The following RGS2 variants were observed in gnomAD, a reference collection of about 807,000 sequenced individuals.
The protein encoded by RGS2 is regulator of G protein signaling 2.
Under a neutral mutation model 26.6 loss-of-function variants are expected in RGS2, and 20 were observed. The observed-to-expected ratio is 0.75, with a 90% CI of 0.53 to 1.09. The LOEUF (loss-of-function observed/expected upper bound fraction) is 1.09. Among genes scored for constraint, RGS2 ranks in the 50% least tolerant of loss-of-function variants. RGS2 has a pLI of 0.00. For missense variants in RGS2, 246 were observed against 245.5 expected (o/e 1.00, Z -0.01); for synonymous variants, 97 against 79.9 (o/e 1.21, Z -1.14).
Position 192,811,455 on chromosome 1 carries a change from T to C in RGS2, c.495T>C (p.Ala165=), listed in dbSNP as rs1354505368. The C allele has an allele frequency of 6.2e-7, 1 of 1,613,986 alleles. No individual in the cohort carries two copies. The highest frequency in any genetic ancestry group is 8.5e-7 in the Non-Finnish European group (1 of 1,179,954). Residue 165 remains alanine (A), a synonymous_variant, in exon 5 of 5, where the codon GCT becomes GCC. Coordinates refer to ENST00000235382, the MANE Select transcript of RGS2 (RefSeq NM_002923.4). ...TGATTGCCCAGAATATACAAGAAGC[T>C]ACAAGTGGCTGCTTTACAACTGCCC... is the stretch of plus-strand genomic sequence containing the variant. ...KTLIAQNIQE[A]TSGCFTTAQK...
At chr1:192,809,209 CCACCCCCTGCCCCA>C (rs1431058175) in intron 1 of RGS2, 28 bp downstream of exon 1, 2 of 1,468,402 alleles carry the variant, frequency 1.4e-6, no homozygotes, top group African/African-American at 2.8e-5. Context: ...CCCTCTCCCG[CCACCCCCTGCCCCA>C]CACTGCAAGC....
At chr1:192,809,980 A>G (rs1009061204) in intron 1 of RGS2, among the ~76,000 whole-genome samples, 186 bp from the exon 2 acceptor site, 1 of 152,210 alleles carries the variant, frequency 6.6e-6, no homozygotes, top group East Asian at 1.9e-4. Flanking sequence ...AGATTAATGG[A>G]CGAAACTGCT....
chr1:192,810,268 G>A lies in RGS2; in HGVS notation c.212+1G>A. The stretch of plus-strand genomic sequence containing the variant: ...AAAGCAAACAGCAAGCTTTCATCAA[G>A]TAAGTTGAGAATCCTGTGCTTGCAA... On this transcript the variant is annotated splice_donor_variant, in intron 2 of 4. Transcript: ENST00000235382. LOFTEE classifies it high-confidence loss of function. 2 of 1,612,698 alleles carry A rather than the reference G, an allele frequency of 1.2e-6. No individual in the cohort carries two copies. Among genetic ancestry groups the A allele is most frequent in the Non-Finnish European group, 1.7e-6 (2 of 1,178,624 alleles).
At chr1:192,810,901 G>T in intron 3 of RGS2, 80 bp from the exon 4 acceptor site, 1 of 1,337,614 alleles carries the variant, frequency 7.5e-7, no homozygotes, top group Non-Finnish European at 1.1e-6. Flanking sequence ...ATTAAAATGT[G>T]AGGGATAGGA....
At position 192,810,284 on chromosome 1, in the gene RGS2, G is replaced by A; in HGVS notation, c.212+17G>A. On this transcript the variant is annotated intron_variant, in intron 2 of 4. Transcript: ENST00000235382. ...TTTCATCAAGTAAGTTGAGAATCCT[G>A]TGCTTGCAAATATCAATAGTTAGCT... 1.2e-6 allele frequency: 2 copies of A among 1,610,000 alleles called. No homozygotes were observed. The highest frequency in any genetic ancestry group is 1.7e-6 in the Non-Finnish European group (2 of 1,176,176).
intron 1 of RGS2, among the ~76,000 whole-genome samples, chr1:192,809,824 T>C (rs1665555766): frequency 6.6e-6 from 1 of 152,172 alleles, no homozygotes; most frequent in African/African-American, 2.4e-5. Context: ...GTCTCGGAAT[T>C]GTAATTAACC....
intron 1 of RGS2, among the ~76,000 whole-genome samples, 195 bp from the exon 2 acceptor site, chr1:192,809,971 G>A (rs1399097103): frequency 1.3e-5 from 2 of 152,216 alleles, no homozygotes; most frequent in Non-Finnish European, 2.9e-5. Context: ...GATACGGTCA[G>A]ATTAATGGAC....
chr1:192,811,701 A>G lies in RGS2; in HGVS notation c.*105A>G. ...GACCTTGAATTCAGCCTGGGTGTTC[A>G]GGAAACATCACTCAGAACTATTGAT... On this transcript the variant is annotated 3_prime_UTR_variant, in exon 5 of 5. Coordinates refer to ENST00000235382, the MANE Select transcript of RGS2 (RefSeq NM_002923.4). The G allele has an allele frequency of 2.7e-6, 3 of 1,092,048 alleles. No homozygotes were observed. The highest frequency in any genetic ancestry group is 1.7e-5 in the Admixed American group (1 of 57,530). 67.6% of individuals were successfully genotyped at this position (1,092,048 alleles called of 1,614,324 possible).
chr1:192,811,012 G>A lies in RGS2; in HGVS notation c.306G>A (p.Lys102=), dbSNP rs1665582018. The change falls in exon 4 of 5, where the codon AAG becomes AAA. Residue 102 remains lysine (K), a synonymous_variant. Transcript: ENST00000235382. ...YGLAAFRAFL[K]SEFCEENIEF... is the part of the protein sequence containing the mutation. ...TTGCTGCATTCAGGGCTTTTTTAAA[G>A]TCGGAATTCTGTGAAGAAAATATTG... 2 of 1,613,988 alleles carry A rather than the reference G, an allele frequency of 1.2e-6. No homozygotes were observed. The highest frequency in any genetic ancestry group is 1.7e-6 in the Non-Finnish European group (2 of 1,180,018).
rs755076642 is a variant in RGS2, at chr1:192,810,974, C to G, written c.275-7C>G. The G allele has an allele frequency of 1.9e-6, 3 of 1,613,616 alleles. No individual in the cohort carries two copies. Among genetic ancestry groups the G allele is most frequent in the Non-Finnish European group, 2.5e-6 (3 of 1,179,564 alleles). ...ATTCTGCATGCTCTCTTTTCTCCCC[C>G]CTTCAGATGGTCTTGCTGCATTCAG... is the stretch of plus-strand genomic sequence containing the variant. On this transcript the variant is annotated splice_polypyrimidine_tract_variant and splice_region_variant and intron_variant, in intron 3 of 4. Coordinates refer to ENST00000235382, the MANE Select transcript of RGS2 (RefSeq NM_002923.4).
rs1205934228 is a variant in RGS2 at position 192,811,700 on chromosome 1, C to G, written c.*104C>G. 7 of 1,089,474 alleles carry G rather than the reference C, an allele frequency of 6.4e-6. No individual in the cohort carries two copies. The highest frequency in any genetic ancestry group is 3.5e-5 in the Admixed American group (2 of 57,454). 67.5% of individuals were successfully genotyped at this position (1,089,474 alleles called of 1,614,324 possible). The stretch of plus-strand genomic sequence containing the variant: ...TGACCTTGAATTCAGCCTGGGTGTT[C>G]AGGAAACATCACTCAGAACTATTGA... On this transcript the variant is annotated 3_prime_UTR_variant, in exon 5 of 5. Coordinates refer to ENST00000235382, the MANE Select transcript of RGS2 (RefSeq NM_002923.4).
At position 192,811,691 on chromosome 1, in the gene RGS2, C is replaced by T. The variant is rs1401440163; in HGVS notation, c.*95C>T. The T allele has an allele frequency of 8.2e-7, 1 of 1,226,068 alleles. No homozygotes were observed. The highest frequency in any genetic ancestry group is 1.5e-5 in the African/African-American group (1 of 67,226). 75.9% of individuals were successfully genotyped at this position (1,226,068 alleles called of 1,614,324 possible). A position where few individuals can be genotyped will look rare whatever the true frequency, so the allele number is the denominator to read the frequency against. ...CATAAAGACTGACCTTGAATTCAGC[C>T]TGGGTGTTCAGGAAACATCACTCAG... On this transcript the variant is annotated 3_prime_UTR_variant, in exon 5 of 5. Transcript: ENST00000235382.
chr1:192,810,319 A>T, intron 2 of RGS2, 51 bp from the exon 3 acceptor site: 1 of 1,606,500 alleles, frequency 6.2e-7, no homozygotes, highest in Non-Finnish European at 8.5e-7. Flanking sequence ...TGCTGAACTG[A>T]AAAGGGGAAC....
chr1:192,810,326 G>C (rs371653540), intron 2 of RGS2, 44 bp from the exon 3 acceptor site: 2 of 1,606,552 alleles, frequency 1.2e-6, no homozygotes, highest in Non-Finnish European at 1.7e-6. Context: ...CTGAAAAGGG[G>C]AACTCTGATG....
chr1:192,811,060 C>G lies in RGS2; in HGVS notation c.354C>G (p.Asp118Glu). 6.2e-7 allele frequency: 1 copy of G among 1,614,040 alleles called. No individual in the cohort carries two copies. The highest frequency in any genetic ancestry group is 8.5e-7 in the Non-Finnish European group (1 of 1,179,984). ...ENIEFWLACEDFKKTKSPQKL... is the reference protein window; with the variant it reads ...ENIEFWLACEEFKKTKSPQKL... ...TTGAATTCTGGCTGGCCTGTGAAGACTTCAAAAAAACCAAATCACCCCAAA... is the reference window on the plus strand; with the variant it reads ...TTGAATTCTGGCTGGCCTGTGAAGAGTTCAAAAAAACCAAATCACCCCAAA... The change falls in exon 4 of 5, where the codon GAC (aspartate) becomes GAG (glutamate). Residue 118 changes from aspartate (D) to glutamate (E), a missense_variant. Physicochemically the swap from Asp to Glu is conservative, Grantham distance 45. Coordinates refer to ENST00000235382, the MANE Select transcript of RGS2 (RefSeq NM_002923.4).
At position 192,811,116 on chromosome 1, in the gene RGS2, C is replaced by T. The variant is rs758347713; in HGVS notation, c.410C>T (p.Thr137Ile). 1 of 1,614,136 alleles carries T rather than the reference C, an allele frequency of 6.2e-7. No homozygotes were observed. Among genetic ancestry groups the T allele is most frequent in the East Asian group, 2.2e-5 (1 of 44,872 alleles). ...TCCTCAAAAGCAAGGAAAATATATA[C>T]TGACTTCATAGAAAAGGAAGCTCCA... ...KLSSKARKIY[T>I]DFIEKEAPKE... Residue 137 changes from threonine to isoleucine, a missense_variant, in exon 4 of 5, where the codon ACT becomes ATT. Transcript: ENST00000235382.
rs570476212 is a variant in RGS2 at position 192,810,580 on chromosome 1, G to C, written c.274+149G>C. The C allele has an allele frequency of 2.9e-4, 215 of 749,690 alleles. 2 individuals are homozygous for C. The highest frequency in any genetic ancestry group is 2.8e-3 in the South Asian group (194 of 69,654). 46.4% of individuals were successfully genotyped at this position (749,690 alleles called of 1,614,324 possible). On this transcript the variant is annotated intron_variant, in intron 3 of 4. Coordinates refer to ENST00000235382, the MANE Select transcript of RGS2 (RefSeq NM_002923.4). ...TGTTTTTCTTTCCTTTATTTCCCAG[G>C]GTTTAACAAATAAATGCATATATTC...
intron 3 of RGS2, chr1:192,810,661 G>A (rs1036351196): frequency 1.6e-6 from 1 of 623,150 alleles, no homozygotes; most frequent in African/African-American, 1.8e-5. Context: ...GTTGCTTATA[G>A]TTAAGGTTGA....
chr1:192,811,285 T>C, intron 4 of RGS2, 117 bp from the exon 5 acceptor site: 1 of 1,296,038 alleles, frequency 7.7e-7, no homozygotes, highest in South Asian at 1.2e-5. Context: ...GTTAAAGTTC[T>C]CCTGTGACTT....
Sources: allele counts gnomAD v4.1 joint callset (sites outside exome capture counted in the v4.1 genomes callset), GRCh38; gene constraint gnomAD v4.1.1; transcripts MANE v1.5; gene names NCBI Gene and HGNC (gene_info 2026-07-23, HGNC 2026-07-21).